Variants in ESRRB observed in about 807,000 individuals in gnomAD.
ESRRB encodes estrogen related receptor beta, also known as steroid hormone receptor ERR2.
A neutral mutation model predicts 46.0 loss-of-function variants in ESRRB; 16 were observed. The ratio of observed to expected loss-of-function variants is 0.35; its 90% CI spans 0.24 to 0.53. The LOEUF is 0.53. ESRRB is among the 20% of genes least tolerant of loss of function. ESRRB has a pLI of 0.93. For synonymous variants in ESRRB, 246 were observed against 259.6 expected (o/e 0.95, Z 0.50); for missense variants, 488 against 607.4 (o/e 0.80, Z 2.07).
At chr14:76,431,231 GT>G (rs1308459956) in intron 1 of ESRRB, among the ~76,000 whole-genome samples, 1 of 152,160 alleles carries the variant, frequency 6.6e-6, no homozygotes, top group East Asian at 1.9e-4. Context: ...AGAGGTGGAG[GT>G]TGCAGTGAGC....
intron 2 of ESRRB, among the ~76,000 whole-genome samples, chr14:76,442,479 A>G (rs1038270847): frequency 1.3e-5 from 2 of 152,184 alleles, no homozygotes; most frequent in Non-Finnish European, 2.9e-5. Context: ...CCGTCTCAAA[A>G]AAAAATAATA....
At chr14:76,395,078 A>AC (rs1257089577) in intron 1 of ESRRB, among the ~76,000 whole-genome samples, 1 of 151,802 alleles carries the variant, frequency 6.6e-6, no homozygotes, top group African/African-American at 2.4e-5. Flanking sequence ...GCCCTTGGTG[A>AC]CCTCAGTAGG....
At chr14:76,361,865 G>A (rs932430754) in intron 1 of ESRRB, among the ~76,000 whole-genome samples, 39 of 152,188 alleles carry the variant, frequency 2.6e-4, no homozygotes, top group Admixed American at 8.5e-4. Context: ...CTCAGGTGCC[G>A]TGCTGCAGTC....
intron 1 of ESRRB, among the ~76,000 whole-genome samples, chr14:76,387,374 AC>A (rs1214524630): frequency 6.6e-6 from 1 of 152,146 alleles, no homozygotes; most frequent in Non-Finnish European, 1.5e-5. Flanking sequence ...CTGGCACTGC[AC>A]CCCATGGGTG....
intron 1 of ESRRB, among the ~76,000 whole-genome samples, chr14:76,315,814 G>T (rs553240851): frequency 2.6e-5 from 4 of 152,346 alleles, no homozygotes; most frequent in Admixed American, 2.6e-4. Context: ...AACCTGAGAA[G>T]AACCCAGGAC....
chr14:76,349,113 G>A (rs975607102), intron 1 of ESRRB, among the ~76,000 whole-genome samples: 7 of 152,196 alleles, frequency 4.6e-5, no homozygotes, highest in South Asian at 2.1e-4. Flanking sequence ...GTGACCAGGG[G>A]GGTCACAGAG....
chr14:76,411,641 G>A (rs948022079), intron 1 of ESRRB, among the ~76,000 whole-genome samples: 1 of 152,168 alleles, frequency 6.6e-6, no homozygotes, highest in Non-Finnish European at 1.5e-5. Flanking sequence ...GTGGCAGCAC[G>A]TGCTGCAAAT....
At chr14:76,355,102 C>A (rs191130139) in intron 1 of ESRRB, among the ~76,000 whole-genome samples, 1 of 152,322 alleles carries the variant, frequency 6.6e-6, no homozygotes, top group East Asian at 1.9e-4. Flanking sequence ...AAAGATGTCA[C>A]CCTTTGGGTA....
upstream of ESRRB, among the ~76,000 whole-genome samples, chr14:76,373,710 G>A (rs1884676458): frequency 6.6e-6 from 1 of 152,226 alleles, no homozygotes; most frequent in African/African-American, 2.4e-5. Flanking sequence ...TGTGTGAGAG[G>A]AGGCTCAGGC....
chr14:76,314,525 A>G (rs1355755737), intron 1 of ESRRB, among the ~76,000 whole-genome samples: 1 of 152,122 alleles, frequency 6.6e-6, no homozygotes, highest in Non-Finnish European at 1.5e-5. Flanking sequence ...ATGCCCCTGG[A>G]GTGCCGAGGG....
intron 1 of ESRRB, among the ~76,000 whole-genome samples, chr14:76,436,252 G>A (rs1887669942): frequency 6.6e-6 from 1 of 152,184 alleles, no homozygotes; most frequent in South Asian, 2.1e-4. Flanking sequence ...GGAAAACTGT[G>A]GCCTGCCCTC....
intron 1 of ESRRB, among the ~76,000 whole-genome samples, chr14:76,422,856 C>CCT (rs767257392): frequency 6.6e-6 from 1 of 152,210 alleles, no homozygotes; most frequent in African/African-American, 2.4e-5. Context: ...CTGTCAGTTC[C>CCT]CTCTCTCAAG....
At chr14:76,493,307 G>A (rs1890298728) in intron 6 of ESRRB, among the ~76,000 whole-genome samples, 1 of 151,978 alleles carries the variant, frequency 6.6e-6, no homozygotes, top group Non-Finnish European at 1.5e-5. Context: ...TGCGTGCACC[G>A]CCACACTCAG....
intron 1 of ESRRB, among the ~76,000 whole-genome samples, chr14:76,409,606 G>A (rs1391068487): frequency 7.2e-6 from 1 of 138,196 alleles, no homozygotes; most frequent in Non-Finnish European, 1.6e-5. Flanking sequence ...GCTTTTGCAT[G>A]TGGGGTGGGG....
chr14:76,474,192 A>T (rs1889482611), intron 3 of ESRRB, among the ~76,000 whole-genome samples: 1 of 152,228 alleles, frequency 6.6e-6, no homozygotes, highest in Non-Finnish European at 1.5e-5. Flanking sequence ...GACAGTAGTT[A>T]CAACTGTGGG....
chr14:76,466,872 C>T (rs1889136275), intron 3 of ESRRB, among the ~76,000 whole-genome samples: 1 of 152,060 alleles, frequency 6.6e-6, no homozygotes, highest in Non-Finnish European at 1.5e-5. Context: ...TACAAGTGTG[C>T]AACACCACGC....
intron 6 of ESRRB, 59 bp downstream of exon 6, chr14:76,491,775 A>G (rs1206573870): frequency 6.6e-6 from 10 of 1,505,484 alleles, no homozygotes; most frequent in Non-Finnish European, 8.9e-6. Context: ...GGGCCTAATG[A>G]GCCCATCCCT....
At chr14:76,353,113 C>G (rs1221132480) in intron 1 of ESRRB, among the ~76,000 whole-genome samples, 2 of 152,238 alleles carry the variant, frequency 1.3e-5, no homozygotes, top group Non-Finnish European at 2.9e-5. Context: ...CTGCCTCGCT[C>G]TGCGGCCTCT....
chr14:76,452,095 C>T lies in ESRRB; in HGVS notation c.461-10450C>T, dbSNP rs190318505. On this transcript the variant is annotated intron_variant, in intron 2 of 6. Transcript: ENST00000644823. ...TAGCTGGGACTACAGGTGCATGCCACCACACCTGGCTAATTTTTGTATTTT... is the reference window on the plus strand; with the variant it reads ...TAGCTGGGACTACAGGTGCATGCCATCACACCTGGCTAATTTTTGTATTTT... Among the ~76,000 whole-genome samples the T allele has an allele frequency of 3.1e-3, 472 of 151,628 alleles. 1 individual carries two copies. The highest frequency in any genetic ancestry group is 5.5e-3 in the Admixed American group (83 of 15,204).
Sources: gnomAD v4.1 joint callset for allele counts (sites outside exome capture counted in the v4.1 genomes callset) on GRCh38, gnomAD v4.1.1 for gene constraint, MANE v1.5 for transcripts, NCBI Gene and HGNC (gene_info 2026-07-23, HGNC 2026-07-21) for gene names.